NDRG3: variants seen among roughly 807,000 people sequenced by gnomAD.
NDRG3 encodes the protein NDRG family member 3.
Under a neutral mutation model 57.2 loss-of-function variants are expected in NDRG3, and 23 were observed. That is an observed-to-expected ratio of 0.40 (90% CI 0.29 to 0.57). NDRG3 has a LOEUF of 0.57. Among genes scored for constraint, NDRG3 ranks in the 20% least tolerant of loss-of-function variants. The probability of loss-of-function intolerance (pLI) is 0.42; values close to 1 mark genes in which losing one functional copy is unlikely to be tolerated. For synonymous variants in NDRG3, 132 were observed against 162.6 expected (o/e 0.81, Z 1.43); for missense variants, 384 against 457.3 (o/e 0.84, Z 1.46).
At position 36,653,499 on chromosome 20, in the gene NDRG3, G is replaced by A. The variant is rs772709769; in HGVS notation, c.*21C>T. The A allele has an allele frequency of 2.5e-6, 4 of 1,608,862 alleles. No individual in the cohort carries two copies. In the African/African-American group the frequency reaches 4.0e-5, roughly 16 times the overall value. ...TCATTTGAAGGATGGACTTGCAATG[G>A]TCCAGGGGAGGAGCATCTGCTTAGC... On this transcript the variant is annotated 3_prime_UTR_variant, in exon 16 of 16. Coordinates refer to ENST00000349004, the MANE Select transcript of NDRG3 (RefSeq NM_032013.4). This position sits in a 1 kb window ranked among gnomAD's most constrained non-coding sequence, Gnocchi z 4.2.
intron 12 of NDRG3, among the ~76,000 whole-genome samples, chr20:36,662,871 TAC>T (rs1979327642): frequency 6.6e-6 from 1 of 152,176 alleles, no homozygotes; most frequent in South Asian, 2.1e-4. Flanking sequence ...GCCAAATTAT[TAC>T]AGTCTTGAAA....
intron 9 of NDRG3, among the ~76,000 whole-genome samples, chr20:36,669,011 A>G (rs1339404260): frequency 6.6e-6 from 1 of 151,596 alleles, no homozygotes; most frequent in Non-Finnish European, 1.5e-5. Context: ...CAGCCTCCCA[A>G]GTAGCTGGGA....
chr20:36,733,158 AAAAAAAAAAAAAAATATATATAT>A (rs1250599353), intron 1 of NDRG3, among the ~76,000 whole-genome samples: 15 of 46,408 alleles, frequency 3.2e-4, no homozygotes, highest in African/African-American at 1.8e-3. Context: ...AAAAAAAAAA[AAAAAAAAAAAAAAATATATATAT>A]ATATATATAT....
At chr20:36,707,311 AG>A (rs2148169450) in intron 2 of NDRG3, among the ~76,000 whole-genome samples, 1 of 152,330 alleles carries the variant, frequency 6.6e-6, no homozygotes, top group African/African-American at 2.4e-5. Context: ...GAGAATTTGC[AG>A]GAAGAGGGTA....
At chr20:36,688,407 A>C (rs1981973019) in intron 4 of NDRG3, among the ~76,000 whole-genome samples, 1 of 152,116 alleles carries the variant, frequency 6.6e-6, no homozygotes, top group Admixed American at 6.6e-5. Flanking sequence ...GCTTGAAAAC[A>C]TGGATTTCAG....
chr20:36,738,998 C>A (rs561471530), intron 1 of NDRG3, among the ~76,000 whole-genome samples: 1 of 149,886 alleles, frequency 6.7e-6, no homozygotes, highest in Non-Finnish European at 1.5e-5. Context: ...ATGGCATGCA[C>A]CTGTAATCCC....
chr20:36,706,863 T>C lies in NDRG3; in HGVS notation c.93+109A>G, dbSNP rs1983577247. The C allele has an allele frequency of 8.8e-6, 8 of 908,500 alleles. No individual in the cohort carries two copies. The East Asian group carries it at 2.0e-4, about 23-fold the overall frequency. 56.3% of individuals were successfully genotyped at this position (908,500 alleles called of 1,614,324 possible). A position where few individuals can be genotyped will look rare whatever the true frequency, so the allele number is the denominator to read the frequency against. On this transcript the variant is annotated intron_variant, in intron 3 of 15. Transcript: ENST00000349004. ...CAATGACCAAACGAACATTAAGGAC[T>C]CATTATTAGCTATAATGAGAGATCC...
intron 9 of NDRG3, 140 bp from the exon 10 acceptor site, chr20:36,666,532 G>C (rs1427802185): frequency 4.7e-6 from 3 of 642,022 alleles, no homozygotes; most frequent in Non-Finnish European, 8.5e-6. Flanking sequence ...GACTACTGAT[G>C]TACTGGTAGG....
chr20:36,694,387 G>A (rs1356606557), intron 3 of NDRG3, among the ~76,000 whole-genome samples: 2 of 152,206 alleles, frequency 1.3e-5, no homozygotes, highest in Non-Finnish European at 2.9e-5. Flanking sequence ...TAAAAGAAGT[G>A]AAAAACAGTC....
chr20:36,656,662 C>T (rs1459348167), intron 13 of NDRG3, 130 bp from the exon 14 acceptor site: 1 of 868,342 alleles, frequency 1.2e-6, no homozygotes, highest in African/African-American at 1.7e-5. Context: ...GTTTGCATCT[C>T]AATGCACCTA....
At chr20:36,666,726 T>C (rs1395031999) in intron 9 of NDRG3, among the ~76,000 whole-genome samples, 5 of 152,196 alleles carry the variant, frequency 3.3e-5, no homozygotes, top group African/African-American at 1.2e-4. Flanking sequence ...AACAGAGATA[T>C]TGTAAAATGA....
intron 3 of NDRG3, among the ~76,000 whole-genome samples, chr20:36,692,884 GGCAACATA>G (rs1276527453): frequency 1.3e-5 from 2 of 150,196 alleles, no homozygotes; most frequent in Non-Finnish European, 3.0e-5. Flanking sequence ...GACCAGCCCT[GGCAACATA>G]GCAAGACTGC....
At position 36,688,727 on chromosome 20, in the gene NDRG3, T is replaced by G; in HGVS notation, c.151A>C (p.Lys51Gln). Residue 51 changes from lysine (K) to glutamine (Q), a missense_variant, in exon 4 of 16, where the codon AAA (lysine) becomes CAA (glutamine). Transcript: ENST00000349004. Reference sequence around the variant, plus strand: ...GTTAGTATAACTGGTCTGTTTCCTTTGGGTAAGCCTCTTATAGTGACGTGG... The same window carrying G: ...GTTAGTATAACTGGTCTGTTTCCTTGGGGTAAGCCTCTTATAGTGACGTGG... ...VVHVTIRGLP[K>Q]GNRPVILTYH... 1 of 1,614,098 alleles carries G rather than the reference T, an allele frequency of 6.2e-7. No individual in the cohort carries two copies. The highest frequency in any genetic ancestry group is 8.5e-7 in the Non-Finnish European group (1 of 1,179,912).
chr20:36,742,508 TA>T (rs1985970531), intron 1 of NDRG3, among the ~76,000 whole-genome samples: 1 of 152,216 alleles, frequency 6.6e-6, no homozygotes, highest in Admixed American at 6.5e-5. Context: ...TGATTATGGA[TA>T]TTTACCAGGT....
At chr20:36,728,436 T>C (rs991790794) in intron 1 of NDRG3, among the ~76,000 whole-genome samples, 3 of 152,128 alleles carry the variant, frequency 2.0e-5, no homozygotes, top group African/African-American at 7.2e-5. Context: ...AATGCTCCAA[T>C]GGATGCCTGG....
At chr20:36,728,332 G>A (rs1309873670) in intron 1 of NDRG3, among the ~76,000 whole-genome samples, 1 of 152,156 alleles carries the variant, frequency 6.6e-6, no homozygotes, top group Non-Finnish European at 1.5e-5. Context: ...GATTACAGGC[G>A]TGAGCCACTG....
Position 36,685,608 on chromosome 20 carries a change from G to C in NDRG3, c.321-1133C>G, listed in dbSNP as rs1981714919. Among the ~76,000 whole-genome samples, 6 of 152,294 alleles carry C rather than the reference G, an allele frequency of 3.9e-5. No homozygotes were observed. The South Asian group carries it at 1.2e-3, about 32-fold the overall frequency. ...CTACAGGTGTGAGCCACTGTGTCTG[G>C]CATGGTTATTTTATTGTATTTGAAT... is the stretch of plus-strand genomic sequence containing the variant. On this transcript the variant is annotated intron_variant, in intron 5 of 15. Transcript: ENST00000349004.
intron 2 of NDRG3, among the ~76,000 whole-genome samples, chr20:36,720,425 G>A (rs1030083816): frequency 1.3e-5 from 2 of 152,058 alleles, no homozygotes; most frequent in Non-Finnish European, 1.5e-5. Context: ...CGTCAGCCTT[G>A]GCCTCCCAAA....
At chr20:36,685,358 T>C (rs947250485) in intron 5 of NDRG3, among the ~76,000 whole-genome samples, 3 of 152,050 alleles carry the variant, frequency 2.0e-5, no homozygotes, top group Non-Finnish European at 4.4e-5. Context: ...TCACCCAGGC[T>C]GGAGTGCAGT....
Sources: allele counts gnomAD v4.1 joint callset (sites outside exome capture counted in the v4.1 genomes callset), GRCh38; gene constraint gnomAD v4.1.1; non-coding constraint Gnocchi (gnomAD v3.1); transcripts MANE v1.5; gene names NCBI Gene and HGNC (gene_info 2026-07-23, HGNC 2026-07-21).